Variants in MTMR4 observed in about 807,000 individuals in gnomAD.
MTMR4 encodes the protein myotubularin related protein 4.
In MTMR4, 30 loss-of-function variants were observed where a neutral mutation model predicts 125.5. The ratio of observed to expected loss-of-function variants is 0.24; its 90% CI spans 0.18 to 0.32. The LOEUF (loss-of-function observed/expected upper bound fraction) is 0.32. MTMR4 is among the 10% of genes least tolerant of loss of function. MTMR4 has a pLI of 1.00. For synonymous variants in MTMR4, 498 were observed against 564.5 expected (o/e 0.88, Z 1.67); for missense variants, 1,039 against 1,511.5 (o/e 0.69, Z 5.18).
chr17:58,509,153 C>T (rs1975859429), intron 4 of MTMR4, among the ~76,000 whole-genome samples: 1 of 152,026 alleles, frequency 6.6e-6, no homozygotes, highest in Non-Finnish European at 1.5e-5. Context: ...CACTCCTTGT[C>T]CCTACCCTAA....
In MTMR4 at chr17:58,491,634, C is replaced by T. The variant is rs1466334582; in HGVS notation, c.*29G>A. 6.2e-7 allele frequency: 1 copy of T among 1,602,694 alleles called. No individual in the cohort carries two copies. Among genetic ancestry groups the T allele is most frequent in the Admixed American group, 1.7e-5 (1 of 59,586 alleles). The stretch of plus-strand genomic sequence containing the variant: ...GAAGAAGATCCTCCCTTCAAACCTG[C>T]TAAAATTGGACAGGTTTCTCCCCGG... On this transcript the variant is annotated 3_prime_UTR_variant, in exon 18 of 18. Transcript: ENST00000682306.
Position 58,506,837 on chromosome 17 carries a change from G to T in MTMR4, c.939C>A (p.Ser313Arg). The T allele has an allele frequency of 6.2e-7, 1 of 1,613,462 alleles. No individual in the cohort carries two copies. The change falls in exon 9 of 18, where the codon AGC becomes AGA. Residue 313 changes from serine to arginine, a missense_variant. Ser to Arg is a moderately radical substitution (Grantham distance 110). Coordinates refer to ENST00000682306, the MANE Select transcript of MTMR4 (RefSeq NM_001378067.1). ...SSLTACSGVE[S>R]TAAPQKLLIL... is the part of the protein sequence containing the mutation. ...TCAGCAGCTTTTGAGGAGCTGCTGT[G>T]CTCTCCACTCCAGAGCACGCAGTCA...
chr17:58,508,919 C>A lies in MTMR4; in HGVS notation c.336-78G>T. Reference sequence around the variant, plus strand: ...GGGGCTATCAGGGCCAAAAACACAGCCACAGGAAGGCTGTGAGGAGAGAAG... The same window carrying A: ...GGGGCTATCAGGGCCAAAAACACAGACACAGGAAGGCTGTGAGGAGAGAAG... On this transcript the variant is annotated intron_variant, in intron 4 of 17. Transcript: ENST00000682306. This position sits in a 1 kb window ranked among gnomAD's most constrained non-coding sequence, Gnocchi z 4.8. The A allele has an allele frequency of 6.6e-7, 1 of 1,509,894 alleles. No individual in the cohort carries two copies. Among genetic ancestry groups the A allele is most frequent in the Non-Finnish European group, 9.1e-7 (1 of 1,104,866 alleles). 93.5% of individuals were successfully genotyped at this position (1,509,894 alleles called of 1,614,324 possible). A position where few individuals can be genotyped will look rare whatever the true frequency, so the allele number is the denominator to read the frequency against.
At chr17:58,509,415 C>CTTT (rs11451825) in intron 4 of MTMR4, among the ~76,000 whole-genome samples, 1 of 134,734 alleles carries the variant, frequency 7.4e-6, no homozygotes, top group African/African-American at 2.9e-5. Context: ...ATATATATAC[C>CTTT]TTTTTTTTTT....
At position 58,494,982 on chromosome 17, in the gene MTMR4, G is replaced by GAAA. The variant is rs1295173866; in HGVS notation, c.3201_3202insTTT (p.Arg1067_His1068insPhe). On this transcript the variant is annotated inframe_insertion, in exon 15 of 18. Transcript: ENST00000682306. ...GGCTCTGCTGGAGGGGCACAGCAGT[G>GAAA]ACGGATGTCCAGCCTCATCTGAAGC... 1 of 1,614,222 alleles carries GAAA rather than the reference G, an allele frequency of 6.2e-7. No homozygotes were observed. The highest frequency in any genetic ancestry group is 1.1e-5 in the South Asian group (1 of 91,084).
chr17:58,513,858 A>C (rs1976005910), intron 1 of MTMR4: 1 of 152,380 alleles, frequency 6.6e-6, no homozygotes, highest in Non-Finnish European at 1.5e-5. Context: ...GGGAAGATGG[A>C]GAAGAGAGGC....
Position 58,490,175 on chromosome 17 carries a change from T to C in MTMR4, c.*1488A>G, listed in dbSNP as rs1410577145. ...CTAGTTATTTTGGAATGAAATGCTG[T>C]TTTCTAGAAAGCAACATGAAAGTAG... On this transcript the variant is annotated 3_prime_UTR_variant, in exon 18 of 18. Transcript: ENST00000682306. The C allele has an allele frequency of 2.0e-5, 3 of 152,540 alleles. No individual in the cohort carries two copies. In the East Asian group the frequency reaches 5.8e-4, roughly 29 times the overall value. The allele number at this position is 152,540 out of a possible 1,614,324, so 9.4% of individuals were successfully genotyped here.
rs1473330587 is a variant in MTMR4 at position 58,512,859 on chromosome 17, T to C, written c.128A>G (p.Asn43Ser). 6.2e-7 allele frequency: 1 copy of C among 1,612,996 alleles called. No homozygotes were observed. The highest frequency in any genetic ancestry group is 1.7e-5 in the Admixed American group (1 of 59,832). Reference protein sequence around the residue: ...PPKELVKEEENLQVPFTVLQG... With the variant: ...PPKELVKEEESLQVPFTVLQG... ...CCCCCAACTCCTCCTTACCTGAAGA[T>C]TCTCTTCCTCCTTCACTAGTTCCTT... The change falls in exon 2 of 18, where the codon AAT (asparagine) becomes AGT (serine). Residue 43 changes from asparagine (N) to serine (S), a missense_variant. Asn to Ser is a conservative substitution (Grantham distance 46). Around this residue, in one of 6 missense-constraint regions of MTMR4, gnomAD observed 202 missense variants for 311.9 expected, o/e 0.65. Coordinates refer to ENST00000682306, the MANE Select transcript of MTMR4 (RefSeq NM_001378067.1). The surrounding 1 kb of genome is among the most constrained non-coding windows in gnomAD (Gnocchi z 4.1).
chr17:58,497,788 T>C (rs1487934213), intron 14 of MTMR4, among the ~76,000 whole-genome samples: 1 of 152,214 alleles, frequency 6.6e-6, no homozygotes, highest in Non-Finnish European at 1.5e-5. Flanking sequence ...TGGATCTTCT[T>C]AGACATCCAG....
In MTMR4 at chr17:58,497,460, G is replaced by A. The variant is rs917304141; in HGVS notation, c.1854-1130C>T. On this transcript the variant is annotated intron_variant, in intron 14 of 17. Transcript: ENST00000682306. Reference sequence around the variant, plus strand: ...TGCTGTGTGACTTTAACTTCTCTACGCCTCAGATCCCTCATCTATGGAATA... The same window carrying A: ...TGCTGTGTGACTTTAACTTCTCTACACCTCAGATCCCTCATCTATGGAATA... 3.9e-5 allele frequency among the ~76,000 whole-genome samples: 6 copies of A among 152,136 alleles called. No individual in the cohort carries two copies. The South Asian group carries it at 6.2e-4, about 16-fold the overall frequency.
At chr17:58,511,211 G>A (rs747036791) in intron 4 of MTMR4, 6 of 462,092 alleles carry the variant, frequency 1.3e-5, no homozygotes, top group Non-Finnish European at 1.2e-5. Flanking sequence ...TAATCCTTAC[G>A]ATGACTCCAT....
chr17:58,495,549 T>C lies in MTMR4; in HGVS notation c.2635A>G (p.Lys879Glu), dbSNP rs1336871782. The C allele has an allele frequency of 1.2e-6, 2 of 1,614,230 alleles. No homozygotes were observed. Among genetic ancestry groups the C allele is most frequent in the East Asian group, 2.2e-5 (1 of 44,892 alleles). Residue 879 changes from lysine to glutamate, a missense_variant, in exon 15 of 18, where the codon AAA (lysine) becomes GAA (glutamate). Lys to Glu is a moderately conservative substitution (Grantham distance 56). This residue lies in a region of MTMR4 where 619 missense variants were observed against 714.5 expected (regional missense o/e 0.87). Coordinates refer to ENST00000682306, the MANE Select transcript of MTMR4 (RefSeq NM_001378067.1). Reference sequence around the variant, plus strand: ...TGCCCATTCCTATTATTTCCTCTTTTACCAATGTCTTCCTCCCCATGGGTC... The same window carrying C: ...TGCCCATTCCTATTATTTCCTCTTTCACCAATGTCTTCCTCCCCATGGGTC... ...DLTHGEEDIGKRGNNRNGQLL... is the reference protein window; with the variant it reads ...DLTHGEEDIGERGNNRNGQLL...
At position 58,491,501 on chromosome 17, in the gene MTMR4, G is replaced by T; in HGVS notation, c.*162C>A. 1.4e-6 allele frequency: 1 copy of T among 691,440 alleles called. No individual in the cohort carries two copies. Among genetic ancestry groups the T allele is most frequent in the South Asian group, 2.2e-5 (1 of 46,388 alleles). The allele number at this position is 691,440 out of a possible 1,614,324, so 42.8% of individuals were successfully genotyped here. ...CCAGTAGAGGACCTCCTGCTAAATTGCAATTCCTCTGCTCCAGTTTCATGA... is the reference window on the plus strand; with the variant it reads ...CCAGTAGAGGACCTCCTGCTAAATTTCAATTCCTCTGCTCCAGTTTCATGA... On this transcript the variant is annotated 3_prime_UTR_variant, in exon 18 of 18. Transcript: ENST00000682306.
Position 58,508,951 on chromosome 17 carries a change from A to C in MTMR4, c.336-110T>G. 7.8e-7 allele frequency: 1 copy of C among 1,280,546 alleles called. No individual in the cohort carries two copies. Among genetic ancestry groups the C allele is most frequent in the Non-Finnish European group, 1.1e-6 (1 of 925,338 alleles). 79.3% of individuals were successfully genotyped at this position (1,280,546 alleles called of 1,614,324 possible). A position where few individuals can be genotyped will look rare whatever the true frequency, so the allele number is the denominator to read the frequency against. ...AAGGCTGTGAGGAGAGAAGGCTGCA[A>C]AGCAAGAGGTAAAGCAGTGGGGACC... is the stretch of plus-strand genomic sequence containing the variant. On this transcript the variant is annotated intron_variant, in intron 4 of 17. Transcript: ENST00000682306. The surrounding 1 kb of genome is among the most constrained non-coding windows in gnomAD (Gnocchi z 4.8).
Position 58,512,577 on chromosome 17 carries a change from C to T in MTMR4, c.136-71G>A. ...CTTATCCTCTTCTACAGCCCCTGAT[C>T]TGTGGGATCCCCTCTGGAAAAGGTG... On this transcript the variant is annotated intron_variant, in intron 2 of 17. Transcript: ENST00000682306. The surrounding 1 kb of genome is among the most constrained non-coding windows in gnomAD (Gnocchi z 4.1). The T allele has an allele frequency of 7.9e-7, 1 of 1,265,346 alleles. No individual in the cohort carries two copies. The highest frequency in any genetic ancestry group is 1.1e-6 in the Non-Finnish European group (1 of 870,450). 78.4% of individuals were successfully genotyped at this position (1,265,346 alleles called of 1,614,324 possible). A position where few individuals can be genotyped will look rare whatever the true frequency, so the allele number is the denominator to read the frequency against.
At chr17:58,511,293 C>G (rs1385778048) in intron 4 of MTMR4, 136 bp downstream of exon 4, 1 of 816,608 alleles carries the variant, frequency 1.2e-6, no homozygotes, top group Non-Finnish European at 1.9e-6. Context: ...CAACCCAGAA[C>G]ATGGTCTTCA....
rs573905249 is a variant in MTMR4, at chr17:58,490,670, C to T, written c.*993G>A. The stretch of plus-strand genomic sequence containing the variant: ...GTGTTCAGGATAAGAAGCAATGTGA[C>T]CCAGAGGAGGCATCAGCCAAGGGAA... On this transcript the variant is annotated 3_prime_UTR_variant, in exon 18 of 18. Transcript: ENST00000682306. 6.5e-6 allele frequency: 1 copy of T among 152,672 alleles called. No homozygotes were observed. Among genetic ancestry groups the T allele is most frequent in the African/African-American group, 2.4e-5 (1 of 41,526 alleles). 9.5% of individuals were successfully genotyped at this position (152,672 alleles called of 1,614,324 possible). A position where few individuals can be genotyped will look rare whatever the true frequency, so the allele number is the denominator to read the frequency against.
Position 58,491,536 on chromosome 17 carries a change from G to T in MTMR4, c.*127C>A, listed in dbSNP as rs865871584. ...TGCTCCAGTTTCATGATACCAAGGA[G>T]GATTTCTCAAGATGGTATCTCTGAG... On this transcript the variant is annotated 3_prime_UTR_variant, in exon 18 of 18. Coordinates refer to ENST00000682306, the MANE Select transcript of MTMR4 (RefSeq NM_001378067.1). 7.2e-6 allele frequency: 7 copies of T among 972,862 alleles called. No individual in the cohort carries two copies. Among genetic ancestry groups the T allele is most frequent in the African/African-American group, 5.0e-5 (3 of 60,492 alleles). 60.3% of individuals were successfully genotyped at this position (972,862 alleles called of 1,614,324 possible). A position where few individuals can be genotyped will look rare whatever the true frequency, so the allele number is the denominator to read the frequency against.
rs1975825560 is a variant in MTMR4, at chr17:58,508,139, C to A, written c.707+22G>T. On this transcript the variant is annotated intron_variant, in intron 7 of 17. Transcript: ENST00000682306. This position sits in a 1 kb window ranked among gnomAD's most constrained non-coding sequence, Gnocchi z 4.8. ...TGTTGCATAAGAAATGGCCTCCCTACTTCCCAGCCCCACTGCCTCACCTAT... is the reference window on the plus strand; with the variant it reads ...TGTTGCATAAGAAATGGCCTCCCTAATTCCCAGCCCCACTGCCTCACCTAT... 2.5e-6 allele frequency: 4 copies of A among 1,590,412 alleles called. No homozygotes were observed. Among genetic ancestry groups the A allele is most frequent in the East Asian group, 2.2e-5 (1 of 44,750 alleles).
Sources: allele counts gnomAD v4.1 joint callset (sites outside exome capture counted in the v4.1 genomes callset), GRCh38; gene constraint gnomAD v4.1.1; regional missense constraint gnomAD v4.1.1; non-coding constraint Gnocchi (gnomAD v3.1); transcripts MANE v1.5; gene names NCBI Gene and HGNC (gene_info 2026-07-23, HGNC 2026-07-21).